NKAIN3: variants seen among roughly 807,000 people sequenced by gnomAD.
NKAIN3 encodes the protein sodium/potassium-transporting ATPase subunit beta-1-interacting protein 3.
A neutral mutation model predicts 30.2 loss-of-function variants in NKAIN3; 25 were observed. The ratio of observed to expected loss-of-function variants is 0.83; its 90% confidence interval spans 0.60 to 1.16. The LOEUF is 1.16. Among genes scored for constraint, NKAIN3 ranks in the 50% most tolerant of loss-of-function variants. The probability of loss-of-function intolerance (pLI) is 0.00; values close to 1 mark genes in which losing one functional copy is unlikely to be tolerated. For missense variants in NKAIN3, 225 were observed against 254.1 expected (o/e 0.89, Z 0.78); for synonymous variants, 91 against 89.6 (o/e 1.02, Z -0.09).
intron 1 of NKAIN3, among the ~76,000 whole-genome samples, chr8:62,534,962 A>G (rs1385949386): frequency 6.6e-6 from 1 of 152,070 alleles, no homozygotes; most frequent in Non-Finnish European, 1.5e-5. Context: ...CAACTAGACA[A>G]ATAACTCTAT....
chr8:62,503,729 G>A (rs1182710738), intron 1 of NKAIN3, among the ~76,000 whole-genome samples: 1 of 152,102 alleles, frequency 6.6e-6, no homozygotes, highest in Non-Finnish European at 1.5e-5. Context: ...TCCATTTATA[G>A]GCTCTCTGCA....
chr8:62,930,852 C>T lies in NKAIN3; in HGVS notation c.532+12339C>T, dbSNP rs186685315. 6.6e-3 allele frequency among the ~76,000 whole-genome samples: 1,001 copies of T among 151,820 alleles called. 8 individuals are homozygous for T. Among genetic ancestry groups the T allele is most frequent in the African/African-American group, 0.02 (849 of 41,428 alleles). ...CCGAGTAGCTGGGACTGCAGGTGCC[C>T]GCCACCATGCCTGGCTAATTTTGTT... On this transcript the variant is annotated intron_variant, in intron 5 of 6. Coordinates refer to ENST00000623646, the MANE Select transcript of NKAIN3 (RefSeq NM_001304533.3).
At chr8:62,892,217 AT>A (rs1821317347) in intron 4 of NKAIN3, among the ~76,000 whole-genome samples, 1 of 152,232 alleles carries the variant, frequency 6.6e-6, no homozygotes, top group African/African-American at 2.4e-5. Flanking sequence ...TTAGAAAAAA[AT>A]AATAAACAGA....
chr8:62,514,459 A>G (rs1451655001), intron 1 of NKAIN3, among the ~76,000 whole-genome samples: 1 of 152,196 alleles, frequency 6.6e-6, no homozygotes, highest in Non-Finnish European at 1.5e-5. Context: ...CAGTAACTGA[A>G]ACAGTAATTG....
chr8:62,838,358 A>G (rs1353320475), intron 4 of NKAIN3, among the ~76,000 whole-genome samples: 2 of 152,002 alleles, frequency 1.3e-5, no homozygotes, highest in Non-Finnish European at 2.9e-5. Context: ...ACACATACAC[A>G]CATATATATT....
intron 4 of NKAIN3, chr8:62,855,668 C>T: frequency 6.2e-7 from 1 of 1,603,982 alleles, no homozygotes; most frequent in Non-Finnish European, 8.5e-7. Context: ...CTGCTGCAGC[C>T]CAGGGTTCTC....
intron 4 of NKAIN3, among the ~76,000 whole-genome samples, chr8:62,754,659 ATC>A: frequency 2.0e-5 from 3 of 152,296 alleles, no homozygotes; most frequent in African/African-American, 7.2e-5. Context: ...TTTGCATTGT[ATC>A]TCTCTGTTCA....
At chr8:62,466,919 A>T (rs1806181317) in intron 1 of NKAIN3, among the ~76,000 whole-genome samples, 1 of 152,208 alleles carries the variant, frequency 6.6e-6, no homozygotes, top group South Asian at 2.1e-4. Flanking sequence ...AGATACTCTC[A>T]TTTTAAAAGG....
chr8:62,759,435 A>T (rs1358135954), intron 4 of NKAIN3, among the ~76,000 whole-genome samples: 1 of 152,090 alleles, frequency 6.6e-6, no homozygotes. Context: ...TAGCAGTTGC[A>T]GACTATATTT....
At chr8:62,673,462 A>G (rs1813374666) in intron 3 of NKAIN3, among the ~76,000 whole-genome samples, 1 of 152,184 alleles carries the variant, frequency 6.6e-6, no homozygotes, top group African/African-American at 2.4e-5. Context: ...AAAGGAAGGG[A>G]CCAAAGAGAT....
rs1563653298 is a variant in NKAIN3 at position 62,979,767 on chromosome 8, C to G, written c.*14360C>G. ...TTCCTCTGCACTTGGTGGCCATCAG[C>G]TGTAACAAGTCCTGACTAGACAAGG... On this transcript the variant is annotated 3_prime_UTR_variant, in exon 7 of 7. Transcript: ENST00000623646. The G allele has an allele frequency of 6.6e-6, 1 of 152,240 alleles. No homozygotes were observed. Among genetic ancestry groups the G allele is most frequent in the Non-Finnish European group, 1.5e-5 (1 of 68,070 alleles). The allele number at this position is 152,240 out of a possible 1,614,324, so 9.4% of individuals were successfully genotyped here.
At chr8:62,443,450 C>A (rs985346586) in intron 1 of NKAIN3, among the ~76,000 whole-genome samples, 3 of 152,130 alleles carry the variant, frequency 2.0e-5, no homozygotes, top group African/African-American at 4.8e-5. Context: ...GTGGCACAAT[C>A]TCGGCTCACT....
chr8:62,787,277 T>C (rs1352806064), intron 4 of NKAIN3, among the ~76,000 whole-genome samples: 1 of 152,150 alleles, frequency 6.6e-6, no homozygotes, highest in Admixed American at 6.6e-5. Context: ...GTTTTACAGG[T>C]ATTTTCATAT....
chr8:62,677,118 G>A (rs77900869), intron 3 of NKAIN3, among the ~76,000 whole-genome samples: 1,836 of 152,256 alleles, frequency 0.012, 38 homozygotes, highest in East Asian at 0.047. Flanking sequence ...TGATTTCCCA[G>A]GAAATAGACT....
intron 4 of NKAIN3, among the ~76,000 whole-genome samples, chr8:62,833,641 T>C (rs768857690): frequency 4.6e-5 from 7 of 151,770 alleles, no homozygotes; most frequent in Non-Finnish European, 8.8e-5. Flanking sequence ...GAAATTGTAA[T>C]GCTGAACAGA....
At chr8:62,747,277 C>T (rs1816108372) in intron 4 of NKAIN3, 148 bp downstream of exon 4, 2 of 575,764 alleles carry the variant, frequency 3.5e-6, no homozygotes, top group African/African-American at 3.7e-5. Flanking sequence ...ACTAGTTATA[C>T]CTGATGGCAG....
chr8:62,663,509 A>T (rs1813005549), intron 3 of NKAIN3, among the ~76,000 whole-genome samples: 1 of 152,180 alleles, frequency 6.6e-6, no homozygotes, highest in Admixed American at 6.5e-5. Flanking sequence ...TTCCACTAGG[A>T]TGTTGGGGAG....
At chr8:62,588,302 C>A (rs1810540860) in intron 2 of NKAIN3, among the ~76,000 whole-genome samples, 3 of 151,808 alleles carry the variant, frequency 2.0e-5, no homozygotes, top group South Asian at 2.1e-4. Flanking sequence ...GCAATACCTG[C>A]ATATACCAAA....
At chr8:62,535,160 A>T (rs1359094644) in intron 1 of NKAIN3, among the ~76,000 whole-genome samples, 1 of 152,060 alleles carries the variant, frequency 6.6e-6, no homozygotes, top group Non-Finnish European at 1.5e-5. Flanking sequence ...GAATTCGTAC[A>T]CTATTTGTCT....
Sources: allele counts gnomAD v4.1 joint callset (sites outside exome capture counted in the v4.1 genomes callset), GRCh38; gene constraint gnomAD v4.1.1; transcripts MANE v1.5; gene names NCBI Gene and HGNC (gene_info 2026-07-23, HGNC 2026-07-21).